Variants in COL5A2 observed in about 807,000 individuals in gnomAD.
COL5A2 encodes collagen alpha-2(V) chain.
Under a neutral mutation model 208.2 loss-of-function variants are expected in COL5A2, and 23 were observed. The observed-to-expected ratio is 0.11, with a 90% CI of 0.08 to 0.16. The LOEUF (loss-of-function observed/expected upper bound fraction) is 0.16. Among genes scored for constraint, COL5A2 ranks in the 10% least tolerant of loss-of-function variants. COL5A2 has a pLI of 1.00. For missense variants in COL5A2, 1,590 were observed against 1,956.4 expected, an observed-to-expected ratio of 0.81 and a Z score of 3.53; for synonymous variants, 625 against 628.5, an observed-to-expected ratio of 0.99 and a Z score of 0.08.
chr2:189,348,383 C>T, the COL5A2 span, among the ~76,000 whole-genome samples: 2 of 151,824 alleles, frequency 1.3e-5, no homozygotes, highest in Non-Finnish European at 2.9e-5. Flanking sequence ...GAATCTCTAC[C>T]CCAGTTATGA....
chr2:189,043,780 CAG>C (rs1205603141), intron 47 of COL5A2, among the ~76,000 whole-genome samples: 3 of 152,166 alleles, frequency 2.0e-5, no homozygotes, highest in African/African-American at 7.2e-5. Context: ...ACAAATTAAA[CAG>C]AAATATCATC....
chr2:189,075,676 A>G (rs1347097162), intron 16 of COL5A2, among the ~76,000 whole-genome samples: 1 of 152,198 alleles, frequency 6.6e-6, no homozygotes, highest in African/African-American at 2.4e-5. Flanking sequence ...AGAAAATGAA[A>G]CTGATTAAAA....
the COL5A2 span, among the ~76,000 whole-genome samples, chr2:189,290,733 C>CACACAT: frequency 6.6e-6 from 1 of 151,434 alleles, no homozygotes; most frequent in Middle Eastern, 3.4e-3. Context: ...CACACACACA[C>CACACAT]ACACACACAC....
chr2:189,167,662 T>G (rs1299039494), intron 1 of COL5A2, among the ~76,000 whole-genome samples: 3 of 95,344 alleles, frequency 3.1e-5, no homozygotes, highest in Non-Finnish European at 6.5e-5. Context: ...AAGAAAGAAG[T>G]GATTTTTTTT....
chr2:189,407,866 TTC>T, the COL5A2 span, among the ~76,000 whole-genome samples: 3 of 152,196 alleles, frequency 2.0e-5, no homozygotes, highest in Non-Finnish European at 4.4e-5. Flanking sequence ...AAATGAGAAT[TTC>T]TCTGTTTTTC....
chr2:189,356,048 C>T, the COL5A2 span, among the ~76,000 whole-genome samples: 1 of 152,142 alleles, frequency 6.6e-6, no homozygotes, highest in Non-Finnish European at 1.5e-5. Context: ...CTTAGTTTGG[C>T]TGGATATGAA....
chr2:189,335,952 A>T, the COL5A2 span, among the ~76,000 whole-genome samples: 2 of 152,186 alleles, frequency 1.3e-5, no homozygotes, highest in African/African-American at 4.8e-5. Context: ...AATCATTAAG[A>T]AAATGAATAG....
chr2:189,081,960 G>T (rs1686544274), intron 12 of COL5A2, among the ~76,000 whole-genome samples: 1 of 152,076 alleles, frequency 6.6e-6, no homozygotes. Context: ...CCAGTATATT[G>T]AGCACCTTGA....
chr2:189,067,218 G>T (rs1313471104), intron 21 of COL5A2, among the ~76,000 whole-genome samples: 1 of 152,048 alleles, frequency 6.6e-6, no homozygotes, highest in African/African-American at 2.4e-5. Context: ...TGAGAATTTA[G>T]CAACTTCAAA....
intron 1 of COL5A2, among the ~76,000 whole-genome samples, chr2:189,142,734 T>A (rs1309296662): frequency 6.6e-6 from 1 of 152,118 alleles, no homozygotes; most frequent in Non-Finnish European, 1.5e-5. Flanking sequence ...AAACTTCTTC[T>A]TAAATGGCCC....
chr2:189,436,439 G>A, the COL5A2 span, among the ~76,000 whole-genome samples: 4 of 152,022 alleles, frequency 2.6e-5, no homozygotes, highest in African/African-American at 9.7e-5. Flanking sequence ...ACGAGTTAAT[G>A]GGTGCAGCAC....
chr2:189,043,536 T>A (rs948840149), intron 47 of COL5A2, among the ~76,000 whole-genome samples: 1 of 152,168 alleles, frequency 6.6e-6, no homozygotes, highest in African/African-American at 2.4e-5. Context: ...ATACTAAAAT[T>A]AGATATTTTT....
the COL5A2 span, among the ~76,000 whole-genome samples, chr2:189,340,494 G>A: frequency 6.6e-6 from 1 of 152,208 alleles, no homozygotes; most frequent in African/African-American, 2.4e-5. Flanking sequence ...TCTGGCCTGG[G>A]AGGCCCAGCT....
At chr2:189,080,106 G>T in intron 13 of COL5A2, 75 bp from the exon 14 acceptor site, 1 of 1,146,164 alleles carries the variant, frequency 8.7e-7, no homozygotes, top group Non-Finnish European at 1.3e-6. Flanking sequence ...CCAAAAATAA[G>T]CTTGCAGAAA....
chr2:189,367,013 A>G, the COL5A2 span, among the ~76,000 whole-genome samples: 333 of 152,238 alleles, frequency 2.2e-3, no homozygotes, highest in African/African-American at 7.8e-3. Context: ...TTTCTATCCA[A>G]TGCCTGCAAA....
chr2:189,434,982 T>C, the COL5A2 span, among the ~76,000 whole-genome samples: 7 of 152,158 alleles, frequency 4.6e-5, no homozygotes, highest in Non-Finnish European at 7.4e-5. Flanking sequence ...AACAGAGATA[T>C]AGACCAACGG....
chr2:189,185,761 T>G (rs1010198226), intron 1 of COL5A2, among the ~76,000 whole-genome samples: 1 of 152,218 alleles, frequency 6.6e-6, no homozygotes, highest in Non-Finnish European at 1.5e-5. Flanking sequence ...GTTTGCTTGA[T>G]AGCTATTTCC....
In COL5A2 at chr2:189,043,155, G is replaced by C; in HGVS notation, c.3467C>G (p.Pro1156Arg). 1 of 1,611,436 alleles carries C rather than the reference G, an allele frequency of 6.2e-7. No individual in the cohort carries two copies. Among genetic ancestry groups the C allele is most frequent in the Non-Finnish European group, 8.5e-7 (1 of 1,177,946 alleles). The change falls in exon 48 of 54, where the codon CCT becomes CGT. Residue 1156 changes from proline to arginine, a missense_variant. Pro to Arg is a moderately radical substitution (Grantham distance 103). Transcript: ENST00000374866. ...ATACTTAAAGGAATAACTTACAGGA[G>C]GGCCAGGAAGACCCTGAAGACCAGT... ...GFTGLQGLPGPPGPNGEQGSA... is the reference protein window; with the variant it reads ...GFTGLQGLPGRPGPNGEQGSA...
the COL5A2 span, among the ~76,000 whole-genome samples, chr2:189,329,909 G>GTT: frequency 1.4e-5 from 2 of 147,838 alleles, no homozygotes; most frequent in Non-Finnish European, 1.5e-5. Flanking sequence ...AATAATGGTT[G>GTT]TTTTTTTTTT....
Sources: allele counts gnomAD v4.1 joint callset (sites outside exome capture counted in the v4.1 genomes callset), GRCh38; gene constraint gnomAD v4.1.1; transcripts MANE v1.5; gene names NCBI Gene and HGNC (gene_info 2026-07-23, HGNC 2026-07-21).